SLC2A13: variants seen among roughly 807,000 people sequenced by gnomAD.
The protein encoded by SLC2A13 is proton myo-inositol cotransporter.
In SLC2A13, 32 loss-of-function variants were observed where a neutral mutation model predicts 64.4. The observed-to-expected ratio is 0.50, with a 90% CI of 0.37 to 0.67. SLC2A13 has a LOEUF of 0.67. Ranked by LOEUF, SLC2A13 falls within the 30% of genes least tolerant of loss-of-function variation. The pLI, the probability that SLC2A13 is intolerant of heterozygous loss-of-function variation, is 0.00. For synonymous variants in SLC2A13, 338 were observed against 327.1 expected (o/e 1.03, Z -0.36); for missense variants, 743 against 829.2 (o/e 0.90, Z 1.28).
chr12:39,990,177 A>G (rs1282297617), intron 3 of SLC2A13, among the ~76,000 whole-genome samples: 1 of 152,190 alleles, frequency 6.6e-6, no homozygotes, highest in Non-Finnish European at 1.5e-5. Context: ...TTTATTATAT[A>G]AAGTAGTCTT....
chr12:40,085,974 G>T (rs1436051379), intron 1 of SLC2A13, among the ~76,000 whole-genome samples: 1 of 152,074 alleles, frequency 6.6e-6, no homozygotes, highest in African/African-American at 2.4e-5. Flanking sequence ...AAGTAGCTGG[G>T]ATTAAAGGCA....
At chr12:40,001,110 C>T (rs1947315637) in intron 3 of SLC2A13, among the ~76,000 whole-genome samples, 1 of 152,224 alleles carries the variant, frequency 6.6e-6, no homozygotes, top group South Asian at 2.1e-4. Context: ...GACTCACACA[C>T]TCAATGGATA....
chr12:40,026,866 G>A (rs1947818133), intron 3 of SLC2A13, among the ~76,000 whole-genome samples: 1 of 152,148 alleles, frequency 6.6e-6, no homozygotes, highest in South Asian at 2.1e-4. Context: ...GATCACCAGA[G>A]GTCAGGAGTT....
chr12:39,907,360 T>A (rs540307943), intron 4 of SLC2A13, among the ~76,000 whole-genome samples: 4 of 152,220 alleles, frequency 2.6e-5, no homozygotes, highest in African/African-American at 7.2e-5. Context: ...ATTTTCTCAA[T>A]GAAGAAAGAG....
At chr12:39,928,111 A>G (rs1039369133) in intron 4 of SLC2A13, among the ~76,000 whole-genome samples, 1 of 152,226 alleles carries the variant, frequency 6.6e-6, no homozygotes, top group Non-Finnish European at 1.5e-5. Flanking sequence ...CTATAGCAAC[A>G]TTATTTTGAA....
intron 1 of SLC2A13, among the ~76,000 whole-genome samples, chr12:40,064,487 A>C (rs974928409): frequency 6.6e-6 from 1 of 152,070 alleles, no homozygotes; most frequent in African/African-American, 2.4e-5. Context: ...AAATGACAAT[A>C]ATCTCTGAAA....
At chr12:39,896,818 C>T (rs138845022) in intron 4 of SLC2A13, among the ~76,000 whole-genome samples, 3 of 152,206 alleles carry the variant, frequency 2.0e-5, no homozygotes, top group African/African-American at 7.2e-5. Flanking sequence ...ACTAATCATT[C>T]TGTCAATAGT....
At chr12:39,939,822 T>C (rs1945988370) in intron 4 of SLC2A13, among the ~76,000 whole-genome samples, 1 of 152,206 alleles carries the variant, frequency 6.6e-6, no homozygotes, top group Non-Finnish European at 1.5e-5. Flanking sequence ...CTTAAAGTAT[T>C]ACTATTTCAA....
In SLC2A13 at chr12:39,987,886, G is replaced by GT. The variant is rs543479755; in HGVS notation, c.926-36522dup. On this transcript the variant is annotated intron_variant, in intron 3 of 9. Transcript: ENST00000280871. ...TAACTTTTGAAATATTTTTCTTACT[G>GT]TAAAAGTACTGTTTAATATAGTAAA... 6.6e-5 allele frequency among the ~76,000 whole-genome samples: 10 copies of GT among 151,958 alleles called. 1 individual carries two copies. In the South Asian group the frequency reaches 1.9e-3, roughly 28 times the overall value.
chr12:39,835,507 T>C (rs912295262), intron 6 of SLC2A13, among the ~76,000 whole-genome samples: 2 of 152,106 alleles, frequency 1.3e-5, no homozygotes, highest in Non-Finnish European at 2.9e-5. Flanking sequence ...TAAAAGGAAT[T>C]GCGGAATGAA....
intron 6 of SLC2A13, among the ~76,000 whole-genome samples, chr12:39,838,615 A>G (rs978801959): frequency 1.3e-5 from 2 of 152,060 alleles, no homozygotes; most frequent in Non-Finnish European, 2.9e-5. Context: ...AATGCTTCCA[A>G]TTAAAGTAAA....
chr12:39,986,739 G>T (rs1947039004), intron 3 of SLC2A13, among the ~76,000 whole-genome samples: 1 of 150,542 alleles, frequency 6.6e-6, no homozygotes, highest in Non-Finnish European at 1.5e-5. Flanking sequence ...ACAGAAATCA[G>T]TCTGTAGACC....
intron 5 of SLC2A13, among the ~76,000 whole-genome samples, chr12:39,866,722 G>A (rs772809080): frequency 6.6e-6 from 1 of 152,112 alleles, no homozygotes; most frequent in Non-Finnish European, 1.5e-5. Context: ...CTCGTGATCC[G>A]CCAGCCTCGG....
chr12:39,834,924 C>T (rs767027275), intron 6 of SLC2A13, among the ~76,000 whole-genome samples: 9 of 152,034 alleles, frequency 5.9e-5, no homozygotes, highest in Non-Finnish European at 8.8e-5. Context: ...TGTATTATAA[C>T]GACAGCTTTA....
chr12:39,851,687 A>C (rs1458632089), intron 6 of SLC2A13, among the ~76,000 whole-genome samples: 2 of 152,216 alleles, frequency 1.3e-5, no homozygotes, highest in Non-Finnish European at 2.9e-5. Flanking sequence ...CATCAAGAGA[A>C]AAGCAGCGGA....
At chr12:39,896,686 C>G (rs1944927801) in intron 4 of SLC2A13, among the ~76,000 whole-genome samples, 1 of 151,730 alleles carries the variant, frequency 6.6e-6, no homozygotes, top group Admixed American at 6.6e-5. Context: ...TAATATCCCT[C>G]GTTATCTGCA....
At chr12:39,838,504 A>T (rs867044929) in intron 6 of SLC2A13, among the ~76,000 whole-genome samples, 1 of 81,634 alleles carries the variant, frequency 1.2e-5, no homozygotes, top group African/African-American at 5.4e-5. Context: ...AAAAAAATAA[A>T]TTAAAAAAAA....
At chr12:40,068,390 G>T in intron 1 of SLC2A13, 1 of 325,164 alleles carries the variant, frequency 3.1e-6, no homozygotes, top group South Asian at 2.5e-5. Context: ...CACCAGTTTA[G>T]GCCAACATGG....
intron 4 of SLC2A13, among the ~76,000 whole-genome samples, chr12:39,945,027 G>A (rs1023278244): frequency 5.9e-5 from 9 of 152,038 alleles, no homozygotes; most frequent in Non-Finnish European, 1.3e-4. Flanking sequence ...TTAGAGCTCC[G>A]TTTAGCAGTT....
Sources: gnomAD v4.1 joint callset for allele counts (sites outside exome capture counted in the v4.1 genomes callset) on GRCh38, gnomAD v4.1.1 for gene constraint, MANE v1.5 for transcripts, NCBI Gene and HGNC (gene_info 2026-07-23, HGNC 2026-07-21) for gene names.